The following FNDC3B variants were observed in gnomAD, a reference collection of about 807,000 sequenced individuals.
The protein encoded by FNDC3B is fibronectin type III domain containing 3B.
In FNDC3B, 12 loss-of-function variants were observed where a neutral mutation model predicts 151.5. The observed-to-expected ratio is 0.08, with a 90% CI of 0.05 to 0.13. FNDC3B has a LOEUF of 0.13. Ranked by LOEUF, FNDC3B falls within the 10% of genes least tolerant of loss-of-function variation. The pLI is 1.00. For synonymous variants in FNDC3B, 528 were observed against 549.0 expected, an observed-to-expected ratio of 0.96 and a Z score of 0.54; for missense variants, 1,214 against 1,505.3, an observed-to-expected ratio of 0.81 and a Z score of 3.20.
chr3:172,164,184 ATT>A (rs530236518), intron 3 of FNDC3B, among the ~76,000 whole-genome samples: 2 of 152,166 alleles, frequency 1.3e-5, no homozygotes, highest in African/African-American at 4.8e-5. Context: ...CTGTCAGATT[ATT>A]TTTGATCCTA....
chr3:172,139,465 A>G (rs1164561082), intron 3 of FNDC3B, among the ~76,000 whole-genome samples: 1 of 152,234 alleles, frequency 6.6e-6, no homozygotes, highest in East Asian at 1.9e-4. Flanking sequence ...CAGGAAGAGG[A>G]CCTGTTGCAA....
intron 1 of FNDC3B, among the ~76,000 whole-genome samples, chr3:172,084,386 G>C (rs1040272001): frequency 2.0e-5 from 3 of 151,744 alleles, no homozygotes; most frequent in Non-Finnish European, 2.9e-5. Flanking sequence ...GGGAGGTCAA[G>C]GCTGTGGTGA....
chr3:172,053,935 C>T (rs1428992056), intron 1 of FNDC3B, among the ~76,000 whole-genome samples: 3 of 152,026 alleles, frequency 2.0e-5, no homozygotes, highest in Non-Finnish European at 4.4e-5. Context: ...GTATAAGAAG[C>T]ACAATGGAGT....
At chr3:172,357,063 T>C (rs1734131481) in intron 22 of FNDC3B, among the ~76,000 whole-genome samples, 1 of 152,266 alleles carries the variant, frequency 6.6e-6, no homozygotes, top group African/African-American at 2.4e-5. Context: ...TAGAAGGCTA[T>C]GATCTTCTAA....
chr3:172,279,979 T>C (rs1006995981), intron 6 of FNDC3B, among the ~76,000 whole-genome samples: 2 of 152,134 alleles, frequency 1.3e-5, no homozygotes, highest in African/African-American at 2.4e-5. Context: ...AGTGGCGCCA[T>C]CTCAGCTCAC....
chr3:172,041,436 TC>T (rs2108446146), intron 1 of FNDC3B, among the ~76,000 whole-genome samples: 5 of 143,508 alleles, frequency 3.5e-5, no homozygotes, highest in Non-Finnish European at 7.4e-5. Context: ...CTTCCTTCCT[TC>T]CTTCCTTCCT....
intron 6 of FNDC3B, among the ~76,000 whole-genome samples, chr3:172,267,407 C>G (rs1243783060): frequency 6.6e-6 from 1 of 152,172 alleles, no homozygotes; most frequent in African/African-American, 2.4e-5. Flanking sequence ...CCTCCTGCCT[C>G]AGTTTCCCAA....
intron 3 of FNDC3B, among the ~76,000 whole-genome samples, chr3:172,192,753 C>T (rs1197988158): frequency 3.3e-5 from 5 of 151,830 alleles, no homozygotes; most frequent in African/African-American, 4.8e-5. Flanking sequence ...ATATTTTTTA[C>T]CTCATCTTAT....
intron 6 of FNDC3B, among the ~76,000 whole-genome samples, chr3:172,271,109 A>G (rs1027002936): frequency 5.1e-4 from 77 of 152,334 alleles, no homozygotes; most frequent in African/African-American, 1.8e-3. Flanking sequence ...TTTAGTAAGA[A>G]CGAGCCTCTT....
intron 3 of FNDC3B, among the ~76,000 whole-genome samples, chr3:172,160,448 G>A (rs952047883): frequency 6.6e-6 from 1 of 152,140 alleles, no homozygotes; most frequent in Non-Finnish European, 1.5e-5. Context: ...CATCTTCTAG[G>A]GTTTACACCC....
chr3:172,232,251 A>C (rs1164095831), intron 4 of FNDC3B, among the ~76,000 whole-genome samples: 1 of 152,210 alleles, frequency 6.6e-6, no homozygotes, highest in Non-Finnish European at 1.5e-5. Context: ...TAATAACTCT[A>C]ATCTGATTGA....
chr3:172,174,665 G>C (rs949627588), intron 3 of FNDC3B, among the ~76,000 whole-genome samples: 3 of 152,010 alleles, frequency 2.0e-5, no homozygotes, highest in African/African-American at 7.3e-5. Context: ...ACCTCATCAA[G>C]ACAAACAAAC....
At position 172,366,880 on chromosome 3, in the gene FNDC3B, C is replaced by A. The variant is rs575493062; in HGVS notation, c.3008+4035C>A. ...GATAGGATGGAAATTACAGGCAAAA[C>A]CTCCAAAGTATAGAAAGGTGCCCTG... On this transcript the variant is annotated intron_variant, in intron 23 of 25. Transcript: ENST00000415807. Among the ~76,000 whole-genome samples, 26 of 152,260 alleles carry A rather than the reference C, an allele frequency of 1.7e-4. No individual in the cohort carries two copies. The South Asian group carries it at 5.0e-3, about 29-fold the overall frequency.
intron 8 of FNDC3B, among the ~76,000 whole-genome samples, chr3:172,298,452 G>A (rs1339424231): frequency 1.3e-5 from 2 of 152,136 alleles, no homozygotes; most frequent in East Asian, 1.9e-4. Flanking sequence ...TTACTTATAT[G>A]TATTTACTCG....
chr3:172,238,447 A>G (rs1306607456), intron 4 of FNDC3B, among the ~76,000 whole-genome samples: 5 of 152,228 alleles, frequency 3.3e-5, no homozygotes, highest in East Asian at 1.9e-4. Context: ...GAACCACCAC[A>G]GTCAGCCCTC....
chr3:172,203,637 G>C (rs1421069704), intron 3 of FNDC3B, among the ~76,000 whole-genome samples: 1 of 152,094 alleles, frequency 6.6e-6, no homozygotes, highest in African/African-American at 2.4e-5. Flanking sequence ...GATTATGCTT[G>C]GTGTTCTTCC....
chr3:172,159,914 T>C (rs926811241), intron 3 of FNDC3B, among the ~76,000 whole-genome samples: 2 of 152,202 alleles, frequency 1.3e-5, no homozygotes, highest in African/African-American at 4.8e-5. Context: ...AGAGAGGTGG[T>C]AGAGGTCAAT....
intron 10 of FNDC3B, among the ~76,000 whole-genome samples, chr3:172,309,542 G>C (rs1731362307): frequency 6.6e-6 from 1 of 152,084 alleles, no homozygotes; most frequent in African/African-American, 2.4e-5. Flanking sequence ...CTCTCCTCCA[G>C]ATTGAGCCTG....
intron 3 of FNDC3B, among the ~76,000 whole-genome samples, chr3:172,156,805 C>T (rs888098375): frequency 7.3e-5 from 11 of 151,458 alleles, no homozygotes; most frequent in Non-Finnish European, 1.2e-4. Flanking sequence ...TGAACCGTAT[C>T]GAATTCCAGG....
Sources: allele counts gnomAD v4.1 joint callset (sites outside exome capture counted in the v4.1 genomes callset), GRCh38; gene constraint gnomAD v4.1.1; transcripts MANE v1.5; gene names NCBI Gene and HGNC (gene_info 2026-07-23, HGNC 2026-07-21).